ZNF143: variants seen among roughly 807,000 people sequenced by gnomAD.
ZNF143 encodes the protein zinc finger protein 143, also known as SPH-binding factor.
A neutral mutation model predicts 74.1 loss-of-function variants in ZNF143; 49 were observed. That is an observed-to-expected ratio of 0.66 (90% CI 0.53 to 0.84). The LOEUF is 0.84. ZNF143 is among the 40% of genes least tolerant of loss of function. ZNF143 has a pLI of 0.00. For synonymous variants in ZNF143, 304 were observed against 282.8 expected (o/e 1.07, Z -0.75); for missense variants, 637 against 793.4 (o/e 0.80, Z 2.37).
chr11:9,486,412 A>AATATAAT (rs1847519151), intron 7 of ZNF143, among the ~76,000 whole-genome samples: 1 of 19,326 alleles, frequency 5.2e-5, no homozygotes, highest in African/African-American at 1.8e-4. Context: ...TTATATATAT[A>AATATAAT]ATATATATTA....
intron 11 of ZNF143, among the ~76,000 whole-genome samples, chr11:9,506,467 C>G (rs1371941847): frequency 6.6e-6 from 1 of 152,218 alleles, no homozygotes; most frequent in African/African-American, 2.4e-5. Flanking sequence ...GTCTTTGGAA[C>G]ATTTAGGTAG....
At chr11:9,511,201 C>T (rs1848530869) in intron 12 of ZNF143, among the ~76,000 whole-genome samples, 1 of 124,790 alleles carries the variant, frequency 8.0e-6, no homozygotes, top group African/African-American at 2.7e-5. Flanking sequence ...AGCCCTGCCT[C>T]CCGGGTTCAA....
chr11:9,498,402 C>CTA (rs1848044473), intron 10 of ZNF143, among the ~76,000 whole-genome samples: 1 of 152,194 alleles, frequency 6.6e-6, no homozygotes, highest in Non-Finnish European at 1.5e-5. Flanking sequence ...GATTACACAT[C>CTA]TAATTAGTAG....
intron 1 of ZNF143, among the ~76,000 whole-genome samples, chr11:9,466,580 G>T (rs548858946): frequency 3.2e-4 from 48 of 152,102 alleles, no homozygotes; most frequent in African/African-American, 1.1e-3. Context: ...ACAGATGTGA[G>T]CCACCACTCC....
At chr11:9,488,894 A>G (rs1264891266) in intron 7 of ZNF143, among the ~76,000 whole-genome samples, 2 of 149,962 alleles carry the variant, frequency 1.3e-5, no homozygotes, top group African/African-American at 4.9e-5. Context: ...TTCCAAATAG[A>G]AAAAAAAAAG....
chr11:9,519,552 A>G (rs1848840186), intron 14 of ZNF143, among the ~76,000 whole-genome samples: 1 of 152,182 alleles, frequency 6.6e-6, no homozygotes, highest in Non-Finnish European at 1.5e-5. Context: ...CATTGTTGGC[A>G]TGTAATAACA....
intron 2 of ZNF143, 151 bp downstream of exon 2, chr11:9,471,571 G>T: frequency 1.9e-6 from 1 of 527,106 alleles, no homozygotes; most frequent in Non-Finnish European, 3.2e-6. Context: ...TTTTGAAACG[G>T]GACGGAGTTT....
At chr11:9,477,203 C>CTCCCT (rs1856976761) in intron 5 of ZNF143, among the ~76,000 whole-genome samples, 1 of 137,626 alleles carries the variant, frequency 7.3e-6, no homozygotes, top group African/African-American at 2.7e-5. Flanking sequence ...CCTCCTTTCC[C>CTCCCT]TCCCTTCCCT....
intron 7 of ZNF143, among the ~76,000 whole-genome samples, chr11:9,486,290 CT>C (rs1416865542): frequency 8.0e-6 from 1 of 124,930 alleles, no homozygotes; most frequent in Non-Finnish European, 1.6e-5. Flanking sequence ...TTGTATCTAC[CT>C]CTGGAATTTG....
intron 15 of ZNF143, among the ~76,000 whole-genome samples, chr11:9,526,642 A>G (rs796207795): frequency 9.3e-5 from 14 of 150,962 alleles, no homozygotes; most frequent in African/African-American, 2.2e-4. Context: ...GGGTCTCACT[A>G]TGTTGCTCAG....
At chr11:9,477,555 G>A (rs186522366) in intron 5 of ZNF143, among the ~76,000 whole-genome samples, 26 of 152,038 alleles carry the variant, frequency 1.7e-4, no homozygotes, top group Admixed American at 7.2e-4. Flanking sequence ...ACAAAAGGCC[G>A]CACTTTTTTC....
At chr11:9,504,594 T>A (rs1202287376) in intron 11 of ZNF143, among the ~76,000 whole-genome samples, 2 of 126,382 alleles carry the variant, frequency 1.6e-5, no homozygotes, top group African/African-American at 2.5e-5. Flanking sequence ...ATAAGAAAAA[T>A]TTTAATATAT....
intron 11 of ZNF143, among the ~76,000 whole-genome samples, chr11:9,501,673 G>A (rs1379740552): frequency 2.0e-5 from 3 of 152,102 alleles, no homozygotes; most frequent in Non-Finnish European, 4.4e-5. Flanking sequence ...ACTCAATCCT[G>A]AAGTTTGCCA....
At position 9,516,370 on chromosome 11, in the gene ZNF143, C is replaced by CT; in HGVS notation, c.1686+14dup. On this transcript the variant is annotated intron_variant, in intron 14 of 15. Coordinates refer to ENST00000396602, the MANE Select transcript of ZNF143 (RefSeq NM_003442.6). ...GGTACAGAAGGGGAACAGGTAATTA[C>CT]TTTTTTCTGTTATGTCAATCAATAC... 1 of 1,602,380 alleles carries CT rather than the reference C, an allele frequency of 6.2e-7. No homozygotes were observed. Among genetic ancestry groups the CT allele is most frequent in the South Asian group, 1.1e-5 (1 of 89,940 alleles).
chr11:9,486,729 T>G (rs962357991), intron 7 of ZNF143, among the ~76,000 whole-genome samples: 1 of 143,088 alleles, frequency 7.0e-6, no homozygotes, highest in African/African-American at 2.7e-5. Flanking sequence ...AGTGCAGTGG[T>G]GTAATCTCGG....
rs953197429 is a variant in ZNF143 at position 9,524,940 on chromosome 11, C to T, written c.1687-300C>T. On this transcript the variant is annotated intron_variant, in intron 14 of 15. Transcript: ENST00000396602. Reference sequence around the variant, plus strand: ...CCACATACATAACTTCCCAAGCAGTCACTTAGGGGTAATAGAATCTAGGTA... The same window carrying T: ...CCACATACATAACTTCCCAAGCAGTTACTTAGGGGTAATAGAATCTAGGTA... Among the ~76,000 whole-genome samples the T allele has an allele frequency of 3.9e-5, 6 of 152,156 alleles. 1 individual carries two copies. The highest frequency in any genetic ancestry group is 1.4e-4 in the African/African-American group (6 of 41,438).
intron 1 of ZNF143, among the ~76,000 whole-genome samples, chr11:9,467,314 C>T (rs570759094): frequency 6.6e-6 from 1 of 150,692 alleles, no homozygotes; most frequent in East Asian, 2.0e-4. Context: ...TGGCTCACTG[C>T]TGCCTCCACC....
At chr11:9,486,429 TTATATATATA>T (rs1565039370) in intron 7 of ZNF143, among the ~76,000 whole-genome samples, 3 of 45,230 alleles carry the variant, frequency 6.6e-5, no homozygotes, top group African/African-American at 2.2e-4. Context: ...ATTATATATA[TTATATATATA>T]ATATATTATA....
intron 7 of ZNF143, among the ~76,000 whole-genome samples, chr11:9,493,647 G>A (rs1310570023): frequency 2.0e-5 from 3 of 151,950 alleles, no homozygotes; most frequent in Non-Finnish European, 4.4e-5. Flanking sequence ...TGCCTTTACC[G>A]TTCTGGGATG....
Sources: gnomAD v4.1 joint callset for allele counts (sites outside exome capture counted in the v4.1 genomes callset) on GRCh38, gnomAD v4.1.1 for gene constraint, MANE v1.5 for transcripts, NCBI Gene and HGNC (gene_info 2026-07-23, HGNC 2026-07-21) for gene names.